Variants in SPSB1 observed in about 807,000 individuals in gnomAD.
SPSB1 encodes SPRY domain-containing SOCS box protein 1.
A neutral mutation model predicts 21.2 loss-of-function variants in SPSB1; 8 were observed. That is an observed-to-expected ratio of 0.38 (90% CI 0.22 to 0.68). The LOEUF is 0.68. SPSB1 is among the 30% of genes least tolerant of loss of function. The pLI, the probability that SPSB1 is intolerant of heterozygous loss-of-function variation, is 0.53. For missense variants in SPSB1, 242 were observed against 377.8 expected (o/e 0.64, Z 2.98); for synonymous variants, 169 against 161.7 (o/e 1.05, Z -0.34).
intron 1 of SPSB1, among the ~76,000 whole-genome samples, chr1:9,327,788 G>C (rs952361067): frequency 6.6e-6 from 1 of 152,246 alleles, no homozygotes; most frequent in South Asian, 2.1e-4. Flanking sequence ...ACTCTGTAGC[G>C]TGAAAGCAGC....
At chr1:9,351,167 A>G (rs997168412) in intron 1 of SPSB1, among the ~76,000 whole-genome samples, 1 of 152,238 alleles carries the variant, frequency 6.6e-6, no homozygotes, top group Non-Finnish European at 1.5e-5. Flanking sequence ...ATTCATGCCC[A>G]TTGATTTACA....
intron 1 of SPSB1, among the ~76,000 whole-genome samples, chr1:9,340,897 C>T (rs1051355719): frequency 6.6e-6 from 1 of 152,152 alleles, no homozygotes; most frequent in Admixed American, 6.5e-5. Flanking sequence ...TACCTGGCTG[C>T]GGTGCGGGGA....
In SPSB1 at chr1:9,302,506, A is replaced by T. The variant is rs867470694; in HGVS notation, c.-150+9435A>T. Among the ~76,000 whole-genome samples the T allele has an allele frequency of 1.1e-4, 16 of 152,160 alleles. 1 individual carries two copies. Among genetic ancestry groups the T allele is most frequent in the Admixed American group, 8.5e-4 (13 of 15,288 alleles). On this transcript the variant is annotated intron_variant, in intron 1 of 2. Coordinates refer to ENST00000328089, the MANE Select transcript of SPSB1 (RefSeq NM_025106.4). ...CCATCCAGTCAGCCGGGGGCCTGGA[A>T]GAAGGGTGAATCCTGGCTCTCTGTC...
intron 1 of SPSB1, among the ~76,000 whole-genome samples, chr1:9,307,093 A>G (rs1177620674): frequency 6.6e-6 from 1 of 151,520 alleles, no homozygotes; most frequent in Non-Finnish European, 1.5e-5. Flanking sequence ...ACGCCTGGCT[A>G]ATTTTTGTAT....
chr1:9,338,028 C>T (rs1483751516), intron 1 of SPSB1, among the ~76,000 whole-genome samples: 1 of 152,218 alleles, frequency 6.6e-6, no homozygotes, highest in Non-Finnish European at 1.5e-5. Flanking sequence ...GTCCCCACCT[C>T]CTCAGCTGGG....
At chr1:9,333,145 G>A (rs996364397) in intron 1 of SPSB1, among the ~76,000 whole-genome samples, 3 of 152,132 alleles carry the variant, frequency 2.0e-5, no homozygotes, top group Non-Finnish European at 2.9e-5. Flanking sequence ...CACCTTCTTC[G>A]GTGAGAACCT....
rs1230999762 is a variant in SPSB1, at chr1:9,293,031, C to T, written c.-190C>T. ...CGCGGCCCGGGCGCCCGAGCCTCCT[C>T]GGCCTTGGAGAGCAGCGGCGGCGGC... On this transcript the variant is annotated 5_prime_UTR_variant, in exon 1 of 3. Coordinates refer to ENST00000328089, the MANE Select transcript of SPSB1 (RefSeq NM_025106.4). This position sits in a 1 kb window ranked among gnomAD's most constrained non-coding sequence, Gnocchi z 5.1. 22 of 981,052 alleles carry T rather than the reference C, an allele frequency of 2.2e-5. No individual in the cohort carries two copies. The highest frequency in any genetic ancestry group is 1.3e-4 in the Admixed American group (2 of 15,948). 60.8% of individuals were successfully genotyped at this position (981,052 alleles called of 1,614,324 possible). A position where few individuals can be genotyped will look rare whatever the true frequency, so the allele number is the denominator to read the frequency against.
chr1:9,316,559 G>T (rs554484188), intron 1 of SPSB1, among the ~76,000 whole-genome samples: 42 of 152,304 alleles, frequency 2.8e-4, no homozygotes, highest in African/African-American at 7.7e-4. Flanking sequence ...GGCGAGGAGG[G>T]GGGGGCTGAT....
At chr1:9,361,589 G>A (rs11121388) in intron 2 of SPSB1, among the ~76,000 whole-genome samples, 4,222 of 152,318 alleles carry the variant, frequency 0.028, 203 homozygotes, top group African/African-American at 0.097. Flanking sequence ...GGCCGTGGCC[G>A]GGCGGAAGTA....
chr1:9,358,293 G>A (rs113020702), intron 2 of SPSB1, among the ~76,000 whole-genome samples: 3,328 of 152,244 alleles, frequency 0.022, 124 homozygotes, highest in African/African-American at 0.074. Flanking sequence ...AGCCACACAC[G>A]ATGTCTGTGG....
intron 1 of SPSB1, among the ~76,000 whole-genome samples, chr1:9,330,519 C>T (rs948008280): frequency 7.2e-6 from 1 of 139,694 alleles, no homozygotes; most frequent in African/African-American, 2.8e-5. Flanking sequence ...CTCCTTACTC[C>T]TACCACCCCA....
At position 9,367,773 on chromosome 1, in the gene SPSB1, C is replaced by T. The variant is rs1640603106; in HGVS notation, c.*198C>T. ...ACACAGGCTCCTCTTTCCCCCTTCCCGACATCAGCAGAAGGCAGCATCCCT... is the reference window on the plus strand; with the variant it reads ...ACACAGGCTCCTCTTTCCCCCTTCCTGACATCAGCAGAAGGCAGCATCCCT... On this transcript the variant is annotated 3_prime_UTR_variant, in exon 3 of 3. Transcript: ENST00000328089. This position sits in a 1 kb window ranked among gnomAD's most constrained non-coding sequence, Gnocchi z 5.9. 2.6e-6 allele frequency: 2 copies of T among 777,930 alleles called. No homozygotes were observed. The highest frequency in any genetic ancestry group is 4.0e-6 in the Non-Finnish European group (2 of 501,908). 48.2% of individuals were successfully genotyped at this position (777,930 alleles called of 1,614,324 possible).
At position 9,367,442 on chromosome 1, in the gene SPSB1, C is replaced by A; in HGVS notation, c.695-6C>A. On this transcript the variant is annotated splice_region_variant and splice_polypyrimidine_tract_variant and intron_variant, in intron 2 of 2. Transcript: ENST00000328089. The surrounding 1 kb of genome is among the most constrained non-coding windows in gnomAD (Gnocchi z 5.9). ...GCGCTGACCTGCAGTTTCTCTGTCT[C>A]CCCAGCCGAGCCGCTGCCGCTCATG... 1.2e-6 allele frequency: 2 copies of A among 1,613,414 alleles called. No homozygotes were observed. The highest frequency in any genetic ancestry group is 1.7e-6 in the Non-Finnish European group (2 of 1,179,958).
chr1:9,300,240 A>G (rs1294033), intron 1 of SPSB1, among the ~76,000 whole-genome samples: 2,648 of 152,302 alleles, frequency 0.017, 85 homozygotes, highest in African/African-American at 0.054. Context: ...AAGAGGCACA[A>G]TGCCTCGTGG....
At position 9,367,865 on chromosome 1, in the gene SPSB1, A is replaced by C; in HGVS notation, c.*290A>C. 5.0e-6 allele frequency: 2 copies of C among 401,392 alleles called. No homozygotes were observed. The allele number at this position is 401,392 out of a possible 1,614,324, so 24.9% of individuals were successfully genotyped here. A position where few individuals can be genotyped will look rare whatever the true frequency, so the allele number is the denominator to read the frequency against. On this transcript the variant is annotated 3_prime_UTR_variant, in exon 3 of 3. Coordinates refer to ENST00000328089, the MANE Select transcript of SPSB1 (RefSeq NM_025106.4). The surrounding 1 kb of genome is among the most constrained non-coding windows in gnomAD (Gnocchi z 5.9). ...GAGAATAAACTCCTACGAAAGCCCT[A>C]CATTGAGCTCCAATCTGCTCGGGGT...
At chr1:9,341,639 G>A (rs968480457) in intron 1 of SPSB1, among the ~76,000 whole-genome samples, 1 of 152,190 alleles carries the variant, frequency 6.6e-6, no homozygotes, top group Non-Finnish European at 1.5e-5. Flanking sequence ...TGGGAGAGAT[G>A]TTTTCTAGCA....
chr1:9,329,799 G>A (rs1393515656), intron 1 of SPSB1, among the ~76,000 whole-genome samples: 1 of 152,160 alleles, frequency 6.6e-6, no homozygotes, highest in Admixed American at 6.5e-5. Flanking sequence ...TGGCGGTGGG[G>A]CCGTGGGGAT....
chr1:9,348,740 G>A lies in SPSB1; in HGVS notation c.-149-7003G>A, dbSNP rs780020320. Among the ~76,000 whole-genome samples the A allele has an allele frequency of 2.6e-5, 4 of 152,022 alleles. No homozygotes were observed. The highest frequency in any genetic ancestry group is 4.8e-5 in the African/African-American group (2 of 41,382). On this transcript the variant is annotated intron_variant, in intron 1 of 2. Coordinates refer to ENST00000328089, the MANE Select transcript of SPSB1 (RefSeq NM_025106.4). This position sits in a 1 kb window ranked among gnomAD's most constrained non-coding sequence, Gnocchi z 4.8. ...AACCTTAAATGGCTGTTCGAAGCTG[G>A]CCGAGGGAGTACGGGGCTTTCAGAA...
intron 1 of SPSB1, among the ~76,000 whole-genome samples, chr1:9,323,467 T>A (rs1179214048): frequency 6.6e-6 from 1 of 152,144 alleles, no homozygotes; most frequent in South Asian, 2.1e-4. Flanking sequence ...TGGCACTGGG[T>A]ACCAAGGCTG....
Sources: gnomAD v4.1 joint callset for allele counts (sites outside exome capture counted in the v4.1 genomes callset) on GRCh38, gnomAD v4.1.1 for gene constraint, Gnocchi (gnomAD v3.1) non-coding constraint, MANE v1.5 for transcripts, NCBI Gene and HGNC (gene_info 2026-07-23, HGNC 2026-07-21) for gene names.